EFHB: variants seen among roughly 807,000 people sequenced by gnomAD.
EFHB encodes the protein EF-hand domain family member B.
EFHB carries 91 observed loss-of-function variants against 87.2 expected under a neutral mutation model. That is an observed-to-expected ratio of 1.04 (90% CI 0.88 to 1.24). EFHB has a LOEUF of 1.24. Among genes scored for constraint, EFHB ranks in the 50% most tolerant of loss-of-function variants. The probability of loss-of-function intolerance (pLI) is 0.00; values close to 1 mark genes in which losing one functional copy is unlikely to be tolerated. For missense variants in EFHB, 1,084 were observed against 998.8 expected, an observed-to-expected ratio of 1.09 and a Z score of -1.15; for synonymous variants, 325 against 333.6, an observed-to-expected ratio of 0.97 and a Z score of 0.28.
In EFHB at chr3:19,914,181, C is replaced by T. The variant is rs184771772; in HGVS notation, c.1288+1122G>A. Among the ~76,000 whole-genome samples, 5 of 152,246 alleles carry T rather than the reference C, an allele frequency of 3.3e-5. No homozygotes were observed. In the East Asian group the frequency reaches 9.6e-4, roughly 29 times the overall value. ...CAGGCTGGTCTCAAACTCCTGGGCT[C>T]AAGTGATCCGGCGCTGAGATTACAA... On this transcript the variant is annotated intron_variant, in intron 5 of 12. Transcript: ENST00000295824.
chr3:19,908,562 A>AAGAGAGAAAGAGAGAGAGAGAGAG (rs1559459432), intron 5 of EFHB, among the ~76,000 whole-genome samples: 5 of 83,898 alleles, frequency 6.0e-5, no homozygotes, highest in African/African-American at 1.5e-4. Flanking sequence ...GAAAGAGAGA[A>AAGAGAGAAAGAGAGAGAGAGAGAG]AGAGAGAGAG....
At chr3:19,922,089 C>T (rs1176612664) in intron 1 of EFHB, among the ~76,000 whole-genome samples, 1 of 152,072 alleles carries the variant, frequency 6.6e-6, no homozygotes, top group Non-Finnish European at 1.5e-5. Context: ...TGCTTGAACC[C>T]AGGAGGCAGA....
At chr3:19,887,480 TATATAC>T (rs1694148039) in intron 10 of EFHB, among the ~76,000 whole-genome samples, 1 of 151,674 alleles carries the variant, frequency 6.6e-6, no homozygotes. Context: ...ATGCTTAAAA[TATATAC>T]ATATACACAT....
In EFHB at chr3:19,939,370, C is replaced by CTTTTTTTTTTTTTT. The variant is rs147510880; in HGVS notation, c.-31-3050_-31-3037dup. Among the ~76,000 whole-genome samples, 30 of 64,586 alleles carry CTTTTTTTTTTTTTT rather than the reference C, an allele frequency of 4.6e-4. 4 individuals are homozygous for CTTTTTTTTTTTTTT. The highest frequency in any genetic ancestry group is 1.2e-3 in the African/African-American group (19 of 15,852). The allele number at this position is 64,586 out of a possible 152,430, so 42.4% of individuals were successfully genotyped here. A position where few individuals can be genotyped will look rare whatever the true frequency, so the allele number is the denominator to read the frequency against. On this transcript the variant is annotated intron_variant, in intron 1 of 14. Coordinates refer to the EFHB transcript ENST00000344838. ...TGCCACTCAAACTGGGTTGGGTCTC[C>CTTTTTTTTTTTTTT]TTTTTTTTTTTTTTTTTTTTTTTTT...
intron 12 of EFHB, among the ~76,000 whole-genome samples, chr3:19,880,126 A>G (rs1254904218): frequency 6.6e-6 from 1 of 152,166 alleles, no homozygotes; most frequent in Non-Finnish European, 1.5e-5. Flanking sequence ...AAGTAAAAAG[A>G]GTGAAAAAAA....
intron 9 of EFHB, chr3:19,896,485 CT>C (rs1694485184): frequency 1.4e-6 from 1 of 714,350 alleles, no homozygotes; most frequent in South Asian, 1.6e-5. Context: ...CTACCTAACT[CT>C]GTATTCATAC....
chr3:19,914,299 G>A (rs992425435), intron 5 of EFHB, among the ~76,000 whole-genome samples: 1 of 152,030 alleles, frequency 6.6e-6, no homozygotes, highest in Admixed American at 6.6e-5. Flanking sequence ...TTTCAAACGT[G>A]AATAAAATAT....
intron 5 of EFHB, among the ~76,000 whole-genome samples, chr3:19,912,380 A>C (rs1695091927): frequency 6.6e-6 from 1 of 152,190 alleles, no homozygotes; most frequent in Non-Finnish European, 1.5e-5. Flanking sequence ...ATGATGAAGA[A>C]ATAAAGACTC....
At chr3:19,934,309 C>A, upstream of EFHB, 1 of 1,236,856 alleles carries the variant, frequency 8.1e-7, no homozygotes, top group Non-Finnish European at 1.0e-6. Flanking sequence ...TTCTCTCTCT[C>A]TCTCTCAATC....
chr3:19,943,281 G>T (rs1696201066), intron 1 of EFHB: 1 of 249,562 alleles, frequency 4.0e-6, no homozygotes, highest in Admixed American at 4.1e-5. Flanking sequence ...AGTAGATGGT[G>T]CCAAGATGAA....
At chr3:19,936,329 G>C, upstream of EFHB, 1 of 478,466 alleles carries the variant, frequency 2.1e-6, no homozygotes, top group Non-Finnish European at 3.7e-6. Flanking sequence ...CAGCCTGGGC[G>C]ACAGACTGAA....
upstream of EFHB, chr3:19,936,176 G>A: frequency 1.6e-6 from 2 of 1,287,718 alleles, no homozygotes; most frequent in Non-Finnish European, 2.2e-6. Flanking sequence ...CAAGGCAGAA[G>A]AATTGCTTAA....
chr3:19,940,017 T>C (rs1421750080), intron 1 of EFHB, among the ~76,000 whole-genome samples: 1 of 152,168 alleles, frequency 6.6e-6, no homozygotes, highest in Non-Finnish European at 1.5e-5. Context: ...AACACCACCT[T>C]CCTCATGAAG....
chr3:19,895,494 A>G (rs79833417), intron 9 of EFHB, among the ~76,000 whole-genome samples: 4 of 151,898 alleles, frequency 2.6e-5, no homozygotes, highest in Admixed American at 6.6e-5. Flanking sequence ...AAAAAAAAAA[A>G]GGAATATGCC....
chr3:19,938,957 A>G (rs149770145), upstream of EFHB, among the ~76,000 whole-genome samples: 1,247 of 152,260 alleles, frequency 8.2e-3, 17 homozygotes, highest in African/African-American at 0.029. Flanking sequence ...CCCAGGCTGC[A>G]GTGCAGTGGC....
intron 10 of EFHB, 130 bp downstream of exon 10, chr3:19,888,314 C>T (rs2125120973): frequency 2.8e-6 from 1 of 362,780 alleles, no homozygotes; most frequent in Non-Finnish European, 4.3e-6. Flanking sequence ...ATCCCTTGAA[C>T]CCAGGAGTTC....
chr3:19,937,516 C>A (rs546648412), upstream of EFHB, among the ~76,000 whole-genome samples: 1 of 152,166 alleles, frequency 6.6e-6, no homozygotes, highest in Non-Finnish European at 1.5e-5. Context: ...CAAACTGTAC[C>A]TAAAACTCAC....
chr3:19,914,661 A>G (rs777548133), intron 5 of EFHB, among the ~76,000 whole-genome samples: 6 of 152,206 alleles, frequency 3.9e-5, no homozygotes, highest in Non-Finnish European at 7.3e-5. Context: ...ATAAGAATAT[A>G]TAATGATCAA....
intron 1 of EFHB, among the ~76,000 whole-genome samples, chr3:19,929,515 C>A (rs1695752343): frequency 1.3e-5 from 2 of 151,746 alleles, no homozygotes; most frequent in South Asian, 4.2e-4. Flanking sequence ...ACCAGCCTGG[C>A]CAATATGATG....
Sources: allele counts gnomAD v4.1 joint callset (sites outside exome capture counted in the v4.1 genomes callset), GRCh38; gene constraint gnomAD v4.1.1; transcripts MANE v1.5; gene names NCBI Gene and HGNC (gene_info 2026-07-23, HGNC 2026-07-21).